Variants in NUDT5 observed in about 807,000 individuals in gnomAD.
The protein encoded by NUDT5 is ADP-sugar pyrophosphatase.
Under a neutral mutation model 34.1 loss-of-function variants are expected in NUDT5, and 21 were observed. The ratio of observed to expected loss-of-function variants is 0.62; its 90% CI spans 0.44 to 0.89. The LOEUF (loss-of-function observed/expected upper bound fraction) is 0.89, where lower values mean the gene tolerates loss of function less well. Among genes scored for constraint, NUDT5 ranks in the 40% least tolerant of loss-of-function variants. NUDT5 has a pLI of 0.00. For missense variants in NUDT5, 249 were observed against 274.8 expected (o/e 0.91, Z 0.66); for synonymous variants, 85 against 97.6 (o/e 0.87, Z 0.76).
At position 12,175,370 on chromosome 10, in the gene NUDT5, G is replaced by A. The variant is rs1166975970; in HGVS notation, c.290-1557C>T. 6.6e-6 allele frequency among the ~76,000 whole-genome samples: 1 copy of A among 152,138 alleles called. No individual in the cohort carries two copies. ...TAAAATAATGAAAAACTCAGGCTGG[G>A]TGTGGTGGCTCACGCCTGTAATCCC... On this transcript the variant is annotated intron_variant, in intron 5 of 9. Transcript: ENST00000491614. The surrounding 1 kb of genome is among the most constrained non-coding windows in gnomAD (Gnocchi z 4.8).
chr10:12,177,901 C>T lies in NUDT5; in HGVS notation c.182-1G>A. ...TGCAGCACGGGGATGACCGCGACAC[C>T]TGTCACCAGGAAATGGAACCAAGGA... On this transcript the variant is annotated splice_acceptor_variant, in intron 4 of 9. Coordinates refer to ENST00000491614, the MANE Select transcript of NUDT5 (RefSeq NM_014142.4). LOFTEE classifies it high-confidence loss of function. 6.2e-7 allele frequency: 1 copy of T among 1,612,690 alleles called. No individual in the cohort carries two copies. Among genetic ancestry groups the T allele is most frequent in the Non-Finnish European group, 8.5e-7 (1 of 1,178,808 alleles).
Position 12,167,694 on chromosome 10 carries a change from A to T in NUDT5, c.*8T>A. On this transcript the variant is annotated 3_prime_UTR_variant, in exon 10 of 10. Transcript: ENST00000491614. The stretch of plus-strand genomic sequence containing the variant: ...CGTTTACAAAAATGGCCAGTGTCAT[A>T]TTTGGGCTTAAAATTTCAAGAAGGG... 1 of 1,613,796 alleles carries T rather than the reference A, an allele frequency of 6.2e-7. No homozygotes were observed. The highest frequency in any genetic ancestry group is 8.5e-7 in the Non-Finnish European group (1 of 1,179,804).
chr10:12,171,694 T>C lies in NUDT5; in HGVS notation c.488-786A>G, dbSNP rs1834858204. On this transcript the variant is annotated intron_variant, in intron 7 of 9. Coordinates refer to ENST00000491614, the MANE Select transcript of NUDT5 (RefSeq NM_014142.4). The surrounding 1 kb of genome is among the most constrained non-coding windows in gnomAD (Gnocchi z 4.2). The stretch of plus-strand genomic sequence containing the variant: ...TTCAAAAATTAAGATTTATTTTATT[T>C]ATTTATTTATTTATTTATTTATTTA... Among the ~76,000 whole-genome samples the C allele has an allele frequency of 8.1e-6, 1 of 122,766 alleles. No individual in the cohort carries two copies. Among genetic ancestry groups the C allele is most frequent in the Non-Finnish European group, 1.9e-5 (1 of 52,936 alleles). The allele number at this position is 122,766 out of a possible 152,430, so 80.5% of individuals were successfully genotyped here.
At chr10:12,178,425 GA>G (rs1211530064) in intron 4 of NUDT5, among the ~76,000 whole-genome samples, 1 of 152,194 alleles carries the variant, frequency 6.6e-6, no homozygotes, top group Non-Finnish European at 1.5e-5. Context: ...CTGGGTTTCA[GA>G]AAACACAAAG....
Position 12,179,101 on chromosome 10 carries a change from T to C in NUDT5, c.163A>G (p.Lys55Glu). ...CTCCTACCATCCGCAGTCTGCTCTT[T>C]CCTGGTTGTACGTTTCACTGATTCC... ...TWESVKRTTRKEQTADGVAVI... is the reference protein window; with the variant it reads ...TWESVKRTTREEQTADGVAVI... Residue 55 changes from lysine to glutamate, a missense_variant, in exon 4 of 10, where the codon AAA becomes GAA. Lys to Glu is a moderately conservative substitution (Grantham distance 56). Transcript: ENST00000491614. 6.2e-7 allele frequency: 1 copy of C among 1,614,158 alleles called. No homozygotes were observed. Among genetic ancestry groups the C allele is most frequent in the Non-Finnish European group, 8.5e-7 (1 of 1,179,994 alleles).
At chr10:12,176,752 G>A (rs1232254865) in intron 5 of NUDT5, among the ~76,000 whole-genome samples, 1 of 152,224 alleles carries the variant, frequency 6.6e-6, no homozygotes, top group African/African-American at 2.4e-5. Context: ...TATTCTAGTT[G>A]AAATGAAGAG....
rs36023063 is a variant in NUDT5 at position 12,182,148 on chromosome 10, A to AT, written c.131+2740_131+2741insA. ...TGTCTCAGGGTAAAAAAAAAAAAAAAGAAGGATATAGCTGAGCTGAAGGGG... is the reference window on the plus strand; with the variant it reads ...TGTCTCAGGGTAAAAAAAAAAAAAAATGAAGGATATAGCTGAGCTGAAGGGG... On this transcript the variant is annotated intron_variant, in intron 3 of 9. Coordinates refer to ENST00000491614, the MANE Select transcript of NUDT5 (RefSeq NM_014142.4). The surrounding 1 kb of genome is among the most constrained non-coding windows in gnomAD (Gnocchi z 4.3). Among the ~76,000 whole-genome samples the AT allele has an allele frequency of 2.6e-3, 392 of 151,286 alleles. 2 individuals are homozygous for AT. Among genetic ancestry groups the AT allele is most frequent in the Non-Finnish European group, 3.4e-3 (231 of 67,764 alleles).
At chr10:12,185,861 G>A (rs1835118225) in intron 2 of NUDT5, among the ~76,000 whole-genome samples, 1 of 152,178 alleles carries the variant, frequency 6.6e-6, no homozygotes, top group African/African-American at 2.4e-5. Flanking sequence ...AACAACGTAG[G>A]TTTTTATTGT....
Position 12,175,794 on chromosome 10 carries a change from G to A in NUDT5, c.290-1981C>T, listed in dbSNP as rs1212789772. On this transcript the variant is annotated intron_variant, in intron 5 of 9. Coordinates refer to ENST00000491614, the MANE Select transcript of NUDT5 (RefSeq NM_014142.4). This position sits in a 1 kb window ranked among gnomAD's most constrained non-coding sequence, Gnocchi z 4.8. ...CAAAAAAATACAAAAAATGAGGTGG[G>A]AGGATCACCTCAGCCTGGGGAGGTT... Among the ~76,000 whole-genome samples the A allele has an allele frequency of 3.9e-5, 6 of 151,932 alleles. No homozygotes were observed.
At chr10:12,172,947 G>T in intron 6 of NUDT5, 81 bp from the exon 7 acceptor site, 1 of 1,004,076 alleles carries the variant, frequency 1.0e-6, no homozygotes, top group Non-Finnish European at 1.6e-6. Flanking sequence ...GATGCGTCCC[G>T]CAGCTCAGCA....
At chr10:12,193,611 T>C (rs1564428910) in intron 1 of NUDT5, among the ~76,000 whole-genome samples, 1 of 152,202 alleles carries the variant, frequency 6.6e-6, no homozygotes, top group South Asian at 2.1e-4. Context: ...GCTGTATCCA[T>C]TCAAAGTATT....
rs1834720895 is a variant in NUDT5 at position 12,167,186 on chromosome 10, C to T, written c.*516G>A. On this transcript the variant is annotated 3_prime_UTR_variant, in exon 10 of 10. Transcript: ENST00000491614. ...AGTAGAGGATTCTATCGAACCCTAC[C>T]CTAGTTGGATTCAACTACCCTAGAT... 6.3e-6 allele frequency: 1 copy of T among 158,872 alleles called. No individual in the cohort carries two copies. Among genetic ancestry groups the T allele is most frequent in the Admixed American group, 6.0e-5 (1 of 16,716 alleles). 9.8% of individuals were successfully genotyped at this position (158,872 alleles called of 1,614,324 possible).
rs938128499 is a variant in NUDT5, at chr10:12,170,416, G to A, written c.550+301C>T. 3.2e-6 allele frequency: 2 copies of A among 619,134 alleles called. No homozygotes were observed. Among genetic ancestry groups the A allele is most frequent in the Non-Finnish European group, 5.6e-6 (2 of 354,130 alleles). The allele number at this position is 619,134 out of a possible 1,614,324, so 38.4% of individuals were successfully genotyped here. On this transcript the variant is annotated intron_variant, in intron 9 of 9. Transcript: ENST00000491614. This position sits in a 1 kb window ranked among gnomAD's most constrained non-coding sequence, Gnocchi z 4.9. ...CACCTTTGCATTGCTATGGACTGAAGGTTTAAAGTGTAGAATCGTTTTGGC... is the reference window on the plus strand; with the variant it reads ...CACCTTTGCATTGCTATGGACTGAAAGTTTAAAGTGTAGAATCGTTTTGGC...
At chr10:12,176,986 G>A (rs1314694649) in intron 5 of NUDT5, among the ~76,000 whole-genome samples, 1 of 152,004 alleles carries the variant, frequency 6.6e-6, no homozygotes, top group African/African-American at 2.4e-5. Context: ...GCCACGTGTG[G>A]TGACACACGC....
rs561307228 is a variant in NUDT5 at position 12,179,245 on chromosome 10, A to G, written c.132-113T>C. The G allele has an allele frequency of 1.5e-3, 1,128 of 759,000 alleles. 2 individuals carry two copies. The highest frequency in any genetic ancestry group is 2.0e-3 in the Admixed American group (85 of 41,694). 47.0% of individuals were successfully genotyped at this position (759,000 alleles called of 1,614,324 possible). On this transcript the variant is annotated intron_variant, in intron 3 of 9. Transcript: ENST00000491614. ...TGCAATGCATGCAAATGTACTCATGATACTGGTCAAGAAGACCACAGCAAT... is the reference window on the plus strand; with the variant it reads ...TGCAATGCATGCAAATGTACTCATGGTACTGGTCAAGAAGACCACAGCAAT...
chr10:12,178,886 GTT>G (rs1834999164), intron 4 of NUDT5, 195 bp downstream of exon 4: 1 of 605,420 alleles, frequency 1.7e-6, no homozygotes, highest in Non-Finnish European at 3.0e-6. Context: ...CAAAAACAAT[GTT>G]TTGGGCTTAG....
intron 5 of NUDT5, among the ~76,000 whole-genome samples, chr10:12,174,093 C>T (rs548650617): frequency 2.0e-5 from 3 of 152,052 alleles, no homozygotes; most frequent in Non-Finnish European, 4.4e-5. Context: ...GTCTTGAATT[C>T]TTGATCTCAT....
Position 12,169,243 on chromosome 10 carries a change from T to TC in NUDT5, c.551-1433dup. ...CCTCCCCTCACTTATTCTATTTTTT[T>TC]CTCCCTTTTCTAAGACCAAAAGTGA... is the stretch of plus-strand genomic sequence containing the variant. On this transcript the variant is annotated intron_variant, in intron 9 of 9. Coordinates refer to ENST00000491614, the MANE Select transcript of NUDT5 (RefSeq NM_014142.4). The surrounding 1 kb of genome is among the most constrained non-coding windows in gnomAD (Gnocchi z 4.8). The TC allele has an allele frequency of 1.3e-6, 2 of 1,529,706 alleles. No homozygotes were observed. The highest frequency in any genetic ancestry group is 1.8e-6 in the Non-Finnish European group (2 of 1,128,184). 94.8% of individuals were successfully genotyped at this position (1,529,706 alleles called of 1,614,324 possible).
At chr10:12,184,855 A>G (rs749849828) in intron 3 of NUDT5, 34 bp downstream of exon 3, 8 of 1,267,088 alleles carry the variant, frequency 6.3e-6, no homozygotes, top group Admixed American at 5.8e-5. Context: ...GAACCCAAAT[A>G]ACGAACATTT....
Sources: gnomAD v4.1 joint callset for allele counts (sites outside exome capture counted in the v4.1 genomes callset) on GRCh38, gnomAD v4.1.1 for gene constraint, Gnocchi (gnomAD v3.1) non-coding constraint, MANE v1.5 for transcripts, NCBI Gene and HGNC (gene_info 2026-07-23, HGNC 2026-07-21) for gene names.